Variants in DOCK2 observed in about 807,000 individuals in gnomAD.
DOCK2 encodes dedicator of cytokinesis 2, also known as dedicator of cytokinesis protein 2.
In DOCK2, 87 loss-of-function variants were observed where a neutral mutation model predicts 248.9. The ratio of observed to expected loss-of-function variants is 0.35; its 90% confidence interval spans 0.29 to 0.42. The LOEUF (loss-of-function observed/expected upper bound fraction) is 0.42. DOCK2 is among the 10% of genes least tolerant of loss of function. The probability of loss-of-function intolerance (pLI) is 1.00; values close to 1 mark genes in which losing one functional copy is unlikely to be tolerated. For missense variants in DOCK2, 1,747 were observed against 2,300.2 expected, an observed-to-expected ratio of 0.76 and a Z score of 4.92; for synonymous variants, 805 against 821.6, an observed-to-expected ratio of 0.98 and a Z score of 0.35.
chr5:169,706,099 T>TGAGGC (rs1761247859), intron 14 of DOCK2, among the ~76,000 whole-genome samples: 1 of 152,260 alleles, frequency 6.6e-6, no homozygotes, highest in Non-Finnish European at 1.5e-5. Context: ...TCTGAAGTGC[T>TGAGGC]GAGGCCTATG....
intron 25 of DOCK2, among the ~76,000 whole-genome samples, chr5:169,792,582 G>A (rs1766410652): frequency 6.6e-6 from 1 of 152,034 alleles, no homozygotes; most frequent in African/African-American, 2.4e-5. Flanking sequence ...GAGTAGCTGG[G>A]ACTGCAGGTG....
At chr5:169,846,779 AT>A (rs375433616) in intron 27 of DOCK2, among the ~76,000 whole-genome samples, 14 of 152,196 alleles carry the variant, frequency 9.2e-5, no homozygotes, top group African/African-American at 3.4e-4. Flanking sequence ...GAATTCTGAG[AT>A]TTTAGTGCAC....
At chr5:169,675,171 A>C (rs768970614) in intron 6 of DOCK2, among the ~76,000 whole-genome samples, 2 of 152,228 alleles carry the variant, frequency 1.3e-5, no homozygotes, top group Non-Finnish European at 2.9e-5. Flanking sequence ...AGAGTCGCGC[A>C]GCTAGTAAAT....
rs1470103835 is a variant in DOCK2 at position 169,764,718 on chromosome 5, C to T, written c.2554+3093C>T. The stretch of plus-strand genomic sequence containing the variant: ...TTAAATTCCTTGCAATAAGGGCATC[C>T]CTTAACGTTTGATAGTTGCACACAA... On this transcript the variant is annotated intron_variant, in intron 25 of 51. Transcript: ENST00000520908. The surrounding 1 kb of genome is among the most constrained non-coding windows in gnomAD (Gnocchi z 4.3). 6.6e-6 allele frequency among the ~76,000 whole-genome samples: 1 copy of T among 152,046 alleles called. No individual in the cohort carries two copies. The highest frequency in any genetic ancestry group is 1.5e-5 in the Non-Finnish European group (1 of 68,020).
intron 27 of DOCK2, among the ~76,000 whole-genome samples, chr5:169,847,919 T>C (rs1426927119): frequency 6.6e-6 from 1 of 152,258 alleles, no homozygotes; most frequent in Non-Finnish European, 1.5e-5. Context: ...CCAAAAACTC[T>C]TGTATAAACA....
intron 25 of DOCK2, among the ~76,000 whole-genome samples, chr5:169,775,358 T>C (rs921157393): frequency 6.6e-6 from 1 of 152,172 alleles, no homozygotes; most frequent in African/African-American, 2.4e-5. Flanking sequence ...GTGCCATGGG[T>C]AAACAGGACA....
intron 26 of DOCK2, among the ~76,000 whole-genome samples, chr5:169,829,785 A>G (rs1473494999): frequency 2.0e-5 from 3 of 152,182 alleles, no homozygotes; most frequent in African/African-American, 7.2e-5. Context: ...TCTTTTTAAT[A>G]TCTTTGACAC....
intron 26 of DOCK2, among the ~76,000 whole-genome samples, chr5:169,838,418 G>A (rs1769726869): frequency 6.6e-6 from 1 of 152,182 alleles, no homozygotes; most frequent in African/African-American, 2.4e-5. Context: ...ACGATATAAA[G>A]TGCTTAGCAG....
At chr5:169,673,561 C>T (rs779745876) in intron 5 of DOCK2, among the ~76,000 whole-genome samples, 1 of 152,078 alleles carries the variant, frequency 6.6e-6, no homozygotes, top group Non-Finnish European at 1.5e-5. Context: ...TGCTCTGTCA[C>T]CCCCGCTGGA....
chr5:170,065,991 G>C (rs1259495195), intron 44 of DOCK2, among the ~76,000 whole-genome samples: 1 of 139,118 alleles, frequency 7.2e-6, no homozygotes, highest in Admixed American at 7.7e-5. Context: ...TCGCTCTGTC[G>C]CCGAGGCTGG....
At chr5:169,983,230 C>A in intron 28 of DOCK2, 64 bp downstream of exon 28, 1 of 1,536,966 alleles carries the variant, frequency 6.5e-7, no homozygotes, top group Non-Finnish European at 9.0e-7. Flanking sequence ...GGCTTCTGTC[C>A]CTGTCAGAGA....
intron 1 of DOCK2, among the ~76,000 whole-genome samples, chr5:169,651,363 G>T (rs1244092679): frequency 2.0e-5 from 3 of 152,286 alleles, no homozygotes; most frequent in African/African-American, 7.2e-5. Flanking sequence ...TGAATACCCA[G>T]TTTCAAGATC....
At chr5:169,781,298 A>C (rs977744691) in intron 25 of DOCK2, among the ~76,000 whole-genome samples, 1 of 152,250 alleles carries the variant, frequency 6.6e-6, no homozygotes, top group African/African-American at 2.4e-5. Context: ...AGGTTATAAC[A>C]AAACAACATT....
At chr5:169,861,005 A>G (rs1008229860) in intron 27 of DOCK2, among the ~76,000 whole-genome samples, 9 of 152,224 alleles carry the variant, frequency 5.9e-5, no homozygotes, top group Non-Finnish European at 1.0e-4. Context: ...AAAGTACTGG[A>G]TAAATTAGAG....
In DOCK2 at chr5:169,796,364, T is replaced by C. The variant is rs557595556; in HGVS notation, c.2555-6694T>C. 2.6e-5 allele frequency among the ~76,000 whole-genome samples: 4 copies of C among 152,326 alleles called. No individual in the cohort carries two copies. In the East Asian group the frequency reaches 7.7e-4, roughly 29 times the overall value. On this transcript the variant is annotated intron_variant, in intron 25 of 51. Coordinates refer to ENST00000520908, the MANE Select transcript of DOCK2 (RefSeq NM_004946.3). ...TCTTTGGGTTCTCCTTCTCTCAACA[T>C]GAGTTTCATGGAGGAGAGGGGTAAT...
intron 46 of DOCK2, 74 bp from the exon 47 acceptor site, chr5:170,075,873 G>T: frequency 6.3e-7 from 1 of 1,587,816 alleles, no homozygotes. Flanking sequence ...GACTGCAGCT[G>T]CCTTGATGGG....
At chr5:169,928,694 A>G (rs551803683) in intron 27 of DOCK2, among the ~76,000 whole-genome samples, 2 of 152,354 alleles carry the variant, frequency 1.3e-5, no homozygotes, top group South Asian at 4.1e-4. Context: ...AAAGCATTAG[A>G]AAAAAATATG....
At chr5:170,001,486 A>G (rs904593477) in intron 30 of DOCK2, among the ~76,000 whole-genome samples, 1 of 152,194 alleles carries the variant, frequency 6.6e-6, no homozygotes, top group African/African-American at 2.4e-5. Flanking sequence ...AGTCAGATAA[A>G]CTGGATTCAG....
In DOCK2 at chr5:169,883,716, G is replaced by A. The variant is rs1453183279; in HGVS notation, c.2799+42864G>A. 1.1e-5 allele frequency: 17 copies of A among 1,551,446 alleles called. No homozygotes were observed. The Admixed American group carries it at 2.7e-4, about 25-fold the overall frequency. On this transcript the variant is annotated intron_variant, in intron 27 of 51. Coordinates refer to ENST00000520908, the MANE Select transcript of DOCK2 (RefSeq NM_004946.3). ...CTTGAGTCTTCCCCATCACAGCCGG[G>A]TCTTCTGGAGTTTGGACGTCAACCT...
Sources: gnomAD v4.1 joint callset for allele counts (sites outside exome capture counted in the v4.1 genomes callset) on GRCh38, gnomAD v4.1.1 for gene constraint, Gnocchi (gnomAD v3.1) non-coding constraint, MANE v1.5 for transcripts, NCBI Gene and HGNC (gene_info 2026-07-23, HGNC 2026-07-21) for gene names.